BAZ2B: variants seen among roughly 807,000 people sequenced by gnomAD.
BAZ2B encodes the protein bromodomain adjacent to zinc finger domain protein 2B.
In BAZ2B, 91 loss-of-function variants were observed where a neutral mutation model predicts 246.0. That is an observed-to-expected ratio of 0.37 (90% CI 0.31 to 0.44). The LOEUF is 0.44. BAZ2B is among the 20% of genes least tolerant of loss of function. BAZ2B has a pLI of 1.00. For synonymous variants in BAZ2B, 855 were observed against 860.0 expected, an observed-to-expected ratio of 0.99 and a Z score of 0.10; for missense variants, 2,332 against 2,533.7, an observed-to-expected ratio of 0.92 and a Z score of 1.71.
chr2:159,377,935 G>C (rs1282346519), intron 25 of BAZ2B, among the ~76,000 whole-genome samples: 6 of 151,726 alleles, frequency 4.0e-5, no homozygotes. Flanking sequence ...TTAGTTCTCT[G>C]TTAAAAAAGA....
At chr2:159,654,568 A>G in the BAZ2B span, among the ~76,000 whole-genome samples, 1 of 152,212 alleles carries the variant, frequency 6.6e-6, no homozygotes, top group Admixed American at 6.6e-5. Context: ...GTTTAATATG[A>G]AAGTGAGGAA....
At chr2:159,629,244 A>G in the BAZ2B span, among the ~76,000 whole-genome samples, 1 of 152,180 alleles carries the variant, frequency 6.6e-6, no homozygotes, top group Non-Finnish European at 1.5e-5. Context: ...AATTAGTTCA[A>G]CCATTGTGGA....
intron 2 of BAZ2B, among the ~76,000 whole-genome samples, chr2:159,526,090 T>C (rs374125108): frequency 1.3e-5 from 2 of 152,184 alleles, no homozygotes; most frequent in Non-Finnish European, 2.9e-5. Flanking sequence ...TATTCATATA[T>C]AGAAGTAGGG....
At chr2:159,600,953 A>G (rs1691983956) in intron 1 of BAZ2B, among the ~76,000 whole-genome samples, 1 of 152,162 alleles carries the variant, frequency 6.6e-6, no homozygotes, top group South Asian at 2.1e-4. Flanking sequence ...CATCACACAA[A>G]ACTCATAATC....
At chr2:159,568,684 T>C (rs774648352) in intron 1 of BAZ2B, among the ~76,000 whole-genome samples, 2 of 152,150 alleles carry the variant, frequency 1.3e-5, no homozygotes, top group African/African-American at 2.4e-5. Flanking sequence ...GAACGGGCAA[T>C]ATGTTTCTTT....
At chr2:159,429,391 A>G (rs1049941775) in intron 10 of BAZ2B, 131 bp from the exon 11 acceptor site, 21 of 520,478 alleles carry the variant, frequency 4.0e-5, no homozygotes, top group Non-Finnish European at 6.7e-5. Flanking sequence ...TAATTTATAC[A>G]TTATTTTTAG....
intron 1 of BAZ2B, among the ~76,000 whole-genome samples, chr2:159,601,553 T>A (rs778600437): frequency 2.6e-5 from 4 of 152,036 alleles, no homozygotes; most frequent in Non-Finnish European, 5.9e-5. Flanking sequence ...AAACCCCGCC[T>A]CTACTAAAAA....
At chr2:159,630,653 C>A in the BAZ2B span, among the ~76,000 whole-genome samples, 1 of 151,944 alleles carries the variant, frequency 6.6e-6, no homozygotes, top group Non-Finnish European at 1.5e-5. Context: ...CCTGCCTCAG[C>A]CTCCCGAGTA....
intron 29 of BAZ2B, 86 bp downstream of exon 29, chr2:159,348,920 AT>A: frequency 6.4e-7 from 1 of 1,553,286 alleles, no homozygotes; most frequent in Non-Finnish European, 8.7e-7. Context: ...TTAACTATAT[AT>A]AGAACCATCA....
the BAZ2B span, among the ~76,000 whole-genome samples, chr2:159,679,473 T>C: frequency 2.0e-5 from 3 of 152,094 alleles, no homozygotes; most frequent in Admixed American, 1.3e-4. Context: ...GAAGAACATG[T>C]GGGTTATTTT....
chr2:159,596,170 CTT>C (rs1228208135), intron 1 of BAZ2B, among the ~76,000 whole-genome samples: 1 of 152,168 alleles, frequency 6.6e-6, no homozygotes, highest in Non-Finnish European at 1.5e-5. Context: ...CTCCTGGCCT[CTT>C]TACACTCTTA....
chr2:159,570,985 C>A (rs1683867009), intron 1 of BAZ2B, among the ~76,000 whole-genome samples: 1 of 152,090 alleles, frequency 6.6e-6, no homozygotes, highest in South Asian at 2.1e-4. Context: ...TCCCAAGTAG[C>A]TGGGGTTACA....
chr2:159,341,472 T>A (rs367996532), intron 31 of BAZ2B, among the ~76,000 whole-genome samples: 95 of 152,246 alleles, frequency 6.2e-4, no homozygotes, highest in African/African-American at 1.8e-3. Context: ...TTGGACAGAT[T>A]TTCTAGACAG....
chr2:159,405,439 T>C (rs1418999944), intron 14 of BAZ2B, among the ~76,000 whole-genome samples: 1 of 152,118 alleles, frequency 6.6e-6, no homozygotes, highest in Non-Finnish European at 1.5e-5. Context: ...CTCCATCTCC[T>C]GACCTCATGA....
At chr2:159,320,908 C>A (rs887138594) in intron 36 of BAZ2B, among the ~76,000 whole-genome samples, 7 of 152,222 alleles carry the variant, frequency 4.6e-5, no homozygotes, top group African/African-American at 1.7e-4. Context: ...TGGTGCTCTG[C>A]GTTGTCTTCC....
chr2:159,625,045 A>G, the BAZ2B span, among the ~76,000 whole-genome samples: 39 of 152,172 alleles, frequency 2.6e-4, no homozygotes, highest in African/African-American at 9.4e-4. Context: ...ACAAGTATCA[A>G]TAGCTGAATT....
chr2:159,368,165 CT>C (rs941851692), intron 27 of BAZ2B, among the ~76,000 whole-genome samples: 23 of 152,146 alleles, frequency 1.5e-4, no homozygotes, highest in African/African-American at 4.3e-4. Context: ...AGTGATCCCC[CT>C]ATGCCAGCCT....
upstream of BAZ2B, among the ~76,000 whole-genome samples, chr2:159,617,561 ATTTAATTTTCAGGATGAAG>A (rs1696231352): frequency 6.6e-6 from 1 of 152,088 alleles, no homozygotes; most frequent in Non-Finnish European, 1.5e-5. Flanking sequence ...AAATTGCATA[ATTTAATTTTCAGGATGAAG>A]AGTAAGTAAA....
intron 1 of BAZ2B, among the ~76,000 whole-genome samples, chr2:159,596,466 C>T (rs1690739145): frequency 6.6e-6 from 1 of 152,158 alleles, no homozygotes; most frequent in African/African-American, 2.4e-5. Context: ...TGATTTATAG[C>T]AGCTAACATA....
Sources: allele counts gnomAD v4.1 joint callset (sites outside exome capture counted in the v4.1 genomes callset), GRCh38; gene constraint gnomAD v4.1.1; transcripts MANE v1.5; gene names NCBI Gene and HGNC (gene_info 2026-07-23, HGNC 2026-07-21).